Variants in ITFG2 observed in about 807,000 individuals in gnomAD.
The protein encoded by ITFG2 is KICSTOR complex protein ITFG2.
A neutral mutation model predicts 54.4 loss-of-function variants in ITFG2; 36 were observed. The observed-to-expected ratio is 0.66, with a 90% CI of 0.51 to 0.87. ITFG2 has a LOEUF of 0.87. Ranked by LOEUF, ITFG2 falls within the 40% of genes least tolerant of loss-of-function variation. ITFG2 has a pLI of 0.00. For synonymous variants in ITFG2, 211 were observed against 225.4 expected (o/e 0.94, Z 0.57); for missense variants, 524 against 576.7 (o/e 0.91, Z 0.94).
At chr12:2,854,407 C>A (rs963125552) in intron 2 of ITFG2, among the ~76,000 whole-genome samples, 2 of 152,212 alleles carry the variant, frequency 1.3e-5, no homozygotes, top group Non-Finnish European at 2.9e-5. Context: ...ACCTGAGGCT[C>A]CCCCCTTCAT....
At chr12:2,856,642 C>T (rs7309654) in intron 2 of ITFG2, among the ~76,000 whole-genome samples, 36,914 of 152,128 alleles carry the variant, frequency 0.24, 4,769 homozygotes, top group East Asian at 0.4. Context: ...GGATTGCAGG[C>T]GTGAGCCACT....
chr12:2,825,948 G>A (rs936407691), downstream of ITFG2: 1 of 152,144 alleles, frequency 6.6e-6, no homozygotes, highest in Admixed American at 6.6e-5. Flanking sequence ...TTTTTTAGTA[G>A]AGATGGGGTT....
At chr12:2,858,739 G>A in intron 3 of ITFG2, 5 of 1,614,234 alleles carry the variant, frequency 3.1e-6, no homozygotes, top group Non-Finnish European at 3.4e-6. Context: ...ATCTTGCTGA[G>A]GCTGTCATTC....
At position 2,812,872 on chromosome 12, in the gene ITFG2, C is replaced by A; in HGVS notation, c.96+16C>A. ...TAACGATACGGTAGGTGCATGCGCA[C>A]CGCAAGAGACAGCCTGGATCTGTGC... On this transcript the variant is annotated intron_variant, in intron 1 of 11. Transcript: ENST00000228799. 6.3e-7 allele frequency: 1 copy of A among 1,593,998 alleles called. No individual in the cohort carries two copies. The highest frequency in any genetic ancestry group is 8.6e-7 in the Non-Finnish European group (1 of 1,164,916).
chr12:2,839,350 CAG>C (rs760577444), intron 1 of ITFG2, among the ~76,000 whole-genome samples: 17 of 152,060 alleles, frequency 1.1e-4, no homozygotes, highest in Non-Finnish European at 2.4e-4. Flanking sequence ...AATAATGAGA[CAG>C]AGGGGGAAGA....
chr12:2,844,672 C>CT, intron 2 of ITFG2, among the ~76,000 whole-genome samples: 1 of 152,234 alleles, frequency 6.6e-6, no homozygotes, highest in East Asian at 1.9e-4. Context: ...CTTTGTTTAT[C>CT]TTTTTTATTT....
chr12:2,820,373 A>C (rs2153924447), intron 5 of ITFG2, 148 bp downstream of exon 5: 3 of 1,033,592 alleles, frequency 2.9e-6, no homozygotes, highest in Non-Finnish European at 4.1e-6. Context: ...GACCATTTCA[A>C]ATCAGGGGCT....
chr12:2,828,471 G>T, downstream of ITFG2: 1 of 1,298,228 alleles, frequency 7.7e-7, no homozygotes, highest in Non-Finnish European at 1.1e-6. Context: ...GGTTGGAATT[G>T]GATCCTTCAG....
chr12:2,816,384 C>T (rs1012802037), intron 1 of ITFG2, among the ~76,000 whole-genome samples: 5 of 145,698 alleles, frequency 3.4e-5, no homozygotes, highest in Non-Finnish European at 7.4e-5. Flanking sequence ...GGCTGGAGTG[C>T]AGTGGTACAG....
downstream of ITFG2, chr12:2,827,741 T>C (rs555346812): frequency 6.2e-7 from 1 of 1,612,140 alleles, no homozygotes; most frequent in African/African-American, 1.3e-5. The surrounding 1 kb of genome is among the most constrained non-coding windows in gnomAD (Gnocchi z 4.0). Context: ...TGCCCTCCTC[T>C]TAGCCGTTGC....
rs745944379 is a variant in ITFG2 at position 2,852,395 on chromosome 12, C to A, written n.301-5617C>A. ...TTTTTTTTTTCTTTTGAGCTAGGGTCTCACCACGTTGCCCAGCCTGGAGTG... is the reference window on the plus strand; with the variant it reads ...TTTTTTTTTTCTTTTGAGCTAGGGTATCACCACGTTGCCCAGCCTGGAGTG... On this transcript the variant is annotated intron_variant and non_coding_transcript_variant, in intron 2 of 3. Coordinates refer to the ITFG2 transcript ENST00000537710. Among the ~76,000 whole-genome samples, 121 of 152,116 alleles carry A rather than the reference C, an allele frequency of 8.0e-4. No homozygotes were observed. In the Middle Eastern group the frequency reaches 0.014, roughly 17 times the overall value.
Position 2,820,849 on chromosome 12 carries a change from T to C in ITFG2, c.672T>C (p.Ser224=), listed in dbSNP as rs566892011. ...AGGACACTGGGTCCCCTCCTGCCTCTGAAGGGCCCACGGATGGTAGTAGGT... is the reference window on the plus strand; with the variant it reads ...AGGACACTGGGTCCCCTCCTGCCTCCGAAGGGCCCACGGATGGTAGTAGGT... The part of the protein sequence containing the change: ...WKKDTGSPPA[S]EGPTDGSRET... The change falls in exon 6 of 12, where the codon TCT becomes TCC. Residue 224 remains serine, a synonymous_variant. Coordinates refer to ENST00000228799, the MANE Select transcript of ITFG2 (RefSeq NM_018463.4). 3 of 1,613,906 alleles carry C rather than the reference T, an allele frequency of 1.9e-6. No homozygotes were observed. The highest frequency in any genetic ancestry group is 2.5e-6 in the Non-Finnish European group (3 of 1,179,948).
downstream of ITFG2, chr12:2,828,462 G>A: frequency 4.3e-6 from 6 of 1,411,198 alleles, no homozygotes; most frequent in Non-Finnish European, 6.0e-6. Context: ...AGGAGAATGG[G>A]TTGGAATTGG....
intron 1 of ITFG2, among the ~76,000 whole-genome samples, chr12:2,813,436 A>G (rs1603482185): frequency 6.6e-6 from 1 of 152,328 alleles, no homozygotes. Flanking sequence ...ACTGCTCATT[A>G]TGCACCAAGG....
chr12:2,828,198 A>G, downstream of ITFG2: 2 of 1,142,616 alleles, frequency 1.8e-6, no homozygotes, highest in South Asian at 2.6e-5. Context: ...AGAGTCTTCT[A>G]GCCACTCTTT....
At chr12:2,826,016 A>C (rs1362833550), downstream of ITFG2, 5 of 152,164 alleles carry the variant, frequency 3.3e-5, no homozygotes, top group Non-Finnish European at 5.9e-5. Context: ...CACCCACCTC[A>C]GCCTCCCAAA....
exon 3 of ITFG2, chr12:2,830,891 C>T (rs2097998463): frequency 6.2e-7 from 1 of 1,603,618 alleles, no homozygotes. Context: ...TGAAGGTAGG[C>T]AGTTCTAAAC....
intron 2 of ITFG2, among the ~76,000 whole-genome samples, chr12:2,852,400 C>T (rs186914101): frequency 1.3e-5 from 2 of 152,224 alleles, no homozygotes; most frequent in East Asian, 3.9e-4. Flanking sequence ...AGGGTCTCAC[C>T]ACGTTGCCCA....
At chr12:2,832,567 G>A (rs371056500), upstream of ITFG2, among the ~76,000 whole-genome samples, 4 of 151,762 alleles carry the variant, frequency 2.6e-5, no homozygotes, top group East Asian at 7.8e-4. Context: ...CCCTCTCCAG[G>A]ATACCCTCTC....
Sources: allele counts gnomAD v4.1 joint callset (sites outside exome capture counted in the v4.1 genomes callset), GRCh38; gene constraint gnomAD v4.1.1; non-coding constraint Gnocchi (gnomAD v3.1); transcripts MANE v1.5; gene names NCBI Gene and HGNC (gene_info 2026-07-23, HGNC 2026-07-21).